The following SNTG2 variants were observed in gnomAD, a reference collection of about 807,000 sequenced individuals.
SNTG2 encodes the protein syntrophin gamma 2, also known as gamma-2-syntrophin.
Under a neutral mutation model 70.9 loss-of-function variants are expected in SNTG2, and 74 were observed. The observed-to-expected ratio is 1.04, with a 90% confidence interval of 0.86 to 1.27. SNTG2 has a LOEUF of 1.27. Ranked by LOEUF, SNTG2 falls within the 50% of genes most tolerant of loss-of-function variation. The pLI is 0.00. For synonymous variants in SNTG2, 278 were observed against 273.8 expected, an observed-to-expected ratio of 1.02 and a Z score of -0.15; for missense variants, 717 against 690.7, an observed-to-expected ratio of 1.04 and a Z score of -0.43.
chr2:1,271,143 G>T (rs140059374), intron 14 of SNTG2, among the ~76,000 whole-genome samples: 1 of 152,052 alleles, frequency 6.6e-6, no homozygotes, highest in Non-Finnish European at 1.5e-5. Context: ...TACAAATATC[G>T]TTCCAAGTTA....
chr2:1,026,213 G>A (rs530406875), intron 1 of SNTG2, among the ~76,000 whole-genome samples: 46 of 152,256 alleles, frequency 3.0e-4, no homozygotes, highest in African/African-American at 9.6e-4. Context: ...ATGCAGACAC[G>A]TGTCTTTTAA....
intron 1 of SNTG2, among the ~76,000 whole-genome samples, chr2:1,072,483 A>T (rs1424609295): frequency 6.6e-6 from 1 of 151,808 alleles, no homozygotes; most frequent in South Asian, 2.1e-4. Context: ...TGGTTGACTG[A>T]ATATTTTTAG....
chr2:1,163,464 T>TGTGTGAGGCCTCCCAACAGGAAGTGGGC (rs1572615231), intron 6 of SNTG2: 2 of 130,852 alleles, frequency 1.5e-5, no homozygotes, highest in East Asian at 3.2e-4. Context: ...AGGAGGTGGG[T>TGTGTGAGGCCTCCCAACAGGAAGTGGGC]GTGTGAGGCC....
intron 8 of SNTG2, among the ~76,000 whole-genome samples, chr2:1,184,702 G>C (rs546647278): frequency 6.6e-6 from 1 of 152,262 alleles, no homozygotes; most frequent in South Asian, 2.1e-4. Context: ...AGAATAGCAA[G>C]AGAAAATCTG....
chr2:1,222,067 CTCT>C lies in SNTG2; in HGVS notation c.719+12838_719+12840del, dbSNP rs1675144129. ...TCTCTGTCTCTCTCTGTCTCTGTTT[CTCT>C]CTGTCTCTGTCTCTGTCTCTCTCTG... On this transcript the variant is annotated intron_variant, in intron 9 of 16. Transcript: ENST00000308624. Among the ~76,000 whole-genome samples the C allele has an allele frequency of 4.5e-3, 58 of 13,010 alleles. 14 individuals are homozygous for C. Among genetic ancestry groups the C allele is most frequent in the Non-Finnish European group, 5.3e-3 (27 of 5,086 alleles). The allele number at this position is 13,010 out of a possible 152,430, so 8.5% of individuals were successfully genotyped here. A position where few individuals can be genotyped will look rare whatever the true frequency, so the allele number is the denominator to read the frequency against.
chr2:1,266,189 GAGAC>G lies in SNTG2; in HGVS notation c.1078-1168_1078-1165del, dbSNP rs1470522936. ...AGAAATGGAGACAGAGAGAGAGAGA[GAGAC>G]AGACAGAGACAGAGAGGTGCCAGCC... On this transcript the variant is annotated intron_variant, in intron 13 of 16. Coordinates refer to ENST00000308624, the MANE Select transcript of SNTG2 (RefSeq NM_018968.4). Among the ~76,000 whole-genome samples, 5 of 152,194 alleles carry G rather than the reference GAGAC, an allele frequency of 3.3e-5. No individual in the cohort carries two copies. In the East Asian group the frequency reaches 9.7e-4, roughly 29 times the overall value.
intron 6 of SNTG2, among the ~76,000 whole-genome samples, chr2:1,140,145 A>G (rs1361196453): frequency 1.3e-5 from 2 of 152,252 alleles, no homozygotes; most frequent in South Asian, 2.1e-4. Context: ...GTTGTACTGA[A>G]TGCAAAGAAT....
At chr2:1,102,888 C>T (rs1004613680) in intron 4 of SNTG2, among the ~76,000 whole-genome samples, 3 of 152,206 alleles carry the variant, frequency 2.0e-5, no homozygotes, top group Non-Finnish European at 2.9e-5. Flanking sequence ...CAGCTCAGCT[C>T]ACTCGCACCT....
At chr2:1,195,625 C>T (rs1466633096) in intron 8 of SNTG2, among the ~76,000 whole-genome samples, 4 of 152,072 alleles carry the variant, frequency 2.6e-5, no homozygotes, top group African/African-American at 9.7e-5. Flanking sequence ...GATATTAGCC[C>T]TTTGTCAGAT....
At chr2:1,114,535 C>G (rs1263948645) in intron 4 of SNTG2, among the ~76,000 whole-genome samples, 1 of 148,630 alleles carries the variant, frequency 6.7e-6, no homozygotes, top group African/African-American at 2.6e-5. Flanking sequence ...CCCTTACAGT[C>G]CTTTGAGAAG....
intron 6 of SNTG2, among the ~76,000 whole-genome samples, chr2:1,145,515 G>T (rs1250181025): frequency 2.6e-5 from 4 of 152,096 alleles, no homozygotes; most frequent in African/African-American, 9.7e-5. Flanking sequence ...ACAATAAAAT[G>T]CAGTCTAGAT....
chr2:1,079,576 C>A (rs191918187), intron 1 of SNTG2, among the ~76,000 whole-genome samples: 2 of 152,230 alleles, frequency 1.3e-5, no homozygotes, highest in African/African-American at 4.8e-5. Context: ...ATCTTATTTG[C>A]TTTCCTTAGC....
At chr2:1,040,995 A>T (rs1459537835) in intron 1 of SNTG2, among the ~76,000 whole-genome samples, 1 of 152,194 alleles carries the variant, frequency 6.6e-6, no homozygotes, top group Non-Finnish European at 1.5e-5. Flanking sequence ...GTGGAGGCTA[A>T]TGTTAAATTC....
At chr2:1,098,457 A>T in intron 4 of SNTG2, 47 bp downstream of exon 4, 1 of 1,560,806 alleles carries the variant, frequency 6.4e-7, no homozygotes, top group Admixed American at 1.7e-5. Context: ...GCCATTTGTG[A>T]GATAACAAAT....
Position 1,284,917 on chromosome 2 carries a change from C to G in SNTG2, c.1284+17346C>G, listed in dbSNP as rs538566476. On this transcript the variant is annotated intron_variant, in intron 14 of 16. Coordinates refer to ENST00000308624, the MANE Select transcript of SNTG2 (RefSeq NM_018968.4). ...TACAGGGACACAATAGGAGATCTAT[C>G]TATCTATCTCATATTAGTTTTACAA... Among the ~76,000 whole-genome samples the G allele has an allele frequency of 3.3e-5, 5 of 151,694 alleles. No individual in the cohort carries two copies. The South Asian group carries it at 1.0e-3, about 32-fold the overall frequency.
At chr2:993,636 G>A (rs992550782) in intron 1 of SNTG2, among the ~76,000 whole-genome samples, 9 of 151,962 alleles carry the variant, frequency 5.9e-5, no homozygotes, top group Admixed American at 5.9e-4. Context: ...TGTACCACTT[G>A]ACATCCCCAC....
chr2:1,304,162 A>G (rs1257582167), intron 14 of SNTG2, among the ~76,000 whole-genome samples: 1 of 152,198 alleles, frequency 6.6e-6, no homozygotes, highest in Admixed American at 6.5e-5. Context: ...CTACAGACCA[A>G]TATTCTCCAT....
intron 1 of SNTG2, among the ~76,000 whole-genome samples, chr2:1,017,927 A>G (rs755514787): frequency 6.6e-6 from 1 of 152,098 alleles, no homozygotes; most frequent in Non-Finnish European, 1.5e-5. Flanking sequence ...CATAACTTCC[A>G]TATTTTTCTT....
chr2:1,046,903 T>C (rs1204858697), intron 1 of SNTG2, among the ~76,000 whole-genome samples: 1 of 152,220 alleles, frequency 6.6e-6, no homozygotes, highest in African/African-American at 2.4e-5. Flanking sequence ...AACGTTGACC[T>C]TTCTAGCGAG....
Sources: gnomAD v4.1 joint callset for allele counts (sites outside exome capture counted in the v4.1 genomes callset) on GRCh38, gnomAD v4.1.1 for gene constraint, MANE v1.5 for transcripts, NCBI Gene and HGNC (gene_info 2026-07-23, HGNC 2026-07-21) for gene names.